Variants in RUNX2 observed in about 807,000 individuals in gnomAD.
RUNX2 encodes the protein RUNX family transcription factor 2.
Under a neutral mutation model 51.7 loss-of-function variants are expected in RUNX2, and 10 were observed. That is an observed-to-expected ratio of 0.19 (90% CI 0.12 to 0.33). The LOEUF (loss-of-function observed/expected upper bound fraction) is 0.33. RUNX2 is among the 10% of genes least tolerant of loss of function. RUNX2 has a pLI of 1.00. For missense variants in RUNX2, 562 were observed against 691.3 expected, an observed-to-expected ratio of 0.81 and a Z score of 2.10; for synonymous variants, 276 against 273.6, an observed-to-expected ratio of 1.01 and a Z score of -0.09.
At chr6:45,505,249 C>T (rs567838133) in intron 6 of RUNX2, among the ~76,000 whole-genome samples, 145 of 152,238 alleles carry the variant, frequency 9.5e-4, no homozygotes, top group Non-Finnish European at 1.6e-3. Context: ...TCCAGCATAC[C>T]TTTGGGCTTT....
chr6:45,413,268 A>G (rs1582085058), intron 2 of RUNX2, among the ~76,000 whole-genome samples: 2 of 152,184 alleles, frequency 1.3e-5, no homozygotes, highest in Non-Finnish European at 2.9e-5. Context: ...CTTTAAAATT[A>G]CATAGTAATA....
chr6:45,436,611 A>G (rs868482296), intron 4 of RUNX2, among the ~76,000 whole-genome samples: 1 of 152,152 alleles, frequency 6.6e-6, no homozygotes, highest in South Asian at 2.1e-4. Flanking sequence ...ACTTAAAACT[A>G]TTTATACTCA....
chr6:45,364,684 T>C (rs1581929349), intron 2 of RUNX2, among the ~76,000 whole-genome samples: 2 of 152,168 alleles, frequency 1.3e-5, no homozygotes, highest in East Asian at 3.9e-4. Flanking sequence ...TTCCCAAAGA[T>C]TGAATACATG....
At chr6:45,478,877 T>TTTTTC (rs536305366) in intron 5 of RUNX2, among the ~76,000 whole-genome samples, 63 of 152,214 alleles carry the variant, frequency 4.1e-4, no homozygotes, top group Admixed American at 2.6e-3. Flanking sequence ...ACAGACTTTT[T>TTTTTC]TTTTCTTTTC....
rs920493493 is a variant in RUNX2, at chr6:45,537,407, T to G, written c.1022-7810T>G. ...AAGCCCCCACAAGTCTGGGGCCAGG[T>G]CTTGGGCTACCATGTACTGATCTGT... On this transcript the variant is annotated intron_variant, in intron 7 of 8. Coordinates refer to ENST00000647337, the MANE Select transcript of RUNX2 (RefSeq NM_001024630.4). Among the ~76,000 whole-genome samples the G allele has an allele frequency of 3.9e-5, 6 of 152,204 alleles. No individual in the cohort carries two copies. The South Asian group carries it at 1.0e-3, about 26-fold the overall frequency.
chr6:45,359,044 A>C (rs1219643497), intron 2 of RUNX2, among the ~76,000 whole-genome samples: 32 of 152,130 alleles, frequency 2.1e-4, no homozygotes, highest in Admixed American at 2.1e-3. Flanking sequence ...GAATTTCAAG[A>C]ATTCATTTCT....
In RUNX2 at chr6:45,548,978, G is replaced by A. The variant is rs944231481; in HGVS notation, c.*1673G>A. 27 of 396,824 alleles carry A rather than the reference G, an allele frequency of 6.8e-5. No individual in the cohort carries two copies. Among genetic ancestry groups the A allele is most frequent in the Non-Finnish European group, 1.1e-4 (25 of 225,276 alleles). The allele number at this position is 396,824 out of a possible 1,614,324, so 24.6% of individuals were successfully genotyped here. ...TGAGCTGAGAGGACATATGGCCCAC[G>A]GGGACCTACAGACAGCCTTTGACAT... is the stretch of plus-strand genomic sequence containing the variant. On this transcript the variant is annotated 3_prime_UTR_variant, in exon 9 of 9. Transcript: ENST00000647337.
chr6:45,511,702 A>G lies in RUNX2; in HGVS notation c.860-544A>G, dbSNP rs572574099. On this transcript the variant is annotated intron_variant, in intron 6 of 8. Transcript: ENST00000647337. ...GGGCCATTCCATTGACCTGCCTGAAAAGAAAGTGCCCTGAGATGAAATCAT... is the reference window on the plus strand; with the variant it reads ...GGGCCATTCCATTGACCTGCCTGAAGAGAAAGTGCCCTGAGATGAAATCAT... Among the ~76,000 whole-genome samples, 7 of 152,292 alleles carry G rather than the reference A, an allele frequency of 4.6e-5. 1 individual carries two copies. Among genetic ancestry groups the G allele is most frequent in the African/African-American group, 9.6e-5 (4 of 41,574 alleles).
chr6:45,525,170 GA>G (rs1346104304), intron 7 of RUNX2, among the ~76,000 whole-genome samples: 1 of 152,154 alleles, frequency 6.6e-6, no homozygotes, highest in Non-Finnish European at 1.5e-5. Context: ...TTGGCCCTCA[GA>G]GCAGTTAACA....
At chr6:45,543,671 T>C (rs1201933291) in intron 7 of RUNX2, among the ~76,000 whole-genome samples, 1 of 152,158 alleles carries the variant, frequency 6.6e-6, no homozygotes, top group Non-Finnish European at 1.5e-5. Context: ...AGTTCTATGT[T>C]GGTAAGTTTG....
chr6:45,490,848 A>G (rs1338466815), intron 5 of RUNX2, among the ~76,000 whole-genome samples: 4 of 152,152 alleles, frequency 2.6e-5, no homozygotes, highest in Non-Finnish European at 5.9e-5. Flanking sequence ...ATGTTAGGGC[A>G]GCACCCTAGG....
intron 2 of RUNX2, among the ~76,000 whole-genome samples, chr6:45,329,307 A>G (rs1786980251): frequency 6.6e-6 from 1 of 151,960 alleles, no homozygotes; most frequent in Non-Finnish European, 1.5e-5. Context: ...ACTAAAAGAA[A>G]TCTACTTATA....
At chr6:45,490,456 C>T (rs1316289251) in intron 5 of RUNX2, among the ~76,000 whole-genome samples, 2 of 152,122 alleles carry the variant, frequency 1.3e-5, no homozygotes. Context: ...TATTACCAAG[C>T]CTTGGCTTCC....
chr6:45,381,601 A>C (rs1797242245), intron 2 of RUNX2, among the ~76,000 whole-genome samples: 1 of 151,726 alleles, frequency 6.6e-6, no homozygotes, highest in Non-Finnish European at 1.5e-5. Context: ...CTAATTTTTA[A>C]ATTTTGTGTA....
At chr6:45,411,728 C>A (rs1234753133) in intron 2 of RUNX2, among the ~76,000 whole-genome samples, 2 of 152,100 alleles carry the variant, frequency 1.3e-5, no homozygotes, top group East Asian at 3.8e-4. Flanking sequence ...TAAGTTATAA[C>A]ACTTCAACCA....
intron 6 of RUNX2, among the ~76,000 whole-genome samples, chr6:45,492,679 T>C (rs1800518620): frequency 6.6e-6 from 1 of 152,198 alleles, no homozygotes; most frequent in Admixed American, 6.5e-5. Context: ...TCTAGTCAGC[T>C]ACTTACTTTA....
chr6:45,473,308 A>C (rs1799859851), intron 5 of RUNX2, among the ~76,000 whole-genome samples: 1 of 151,544 alleles, frequency 6.6e-6, no homozygotes, highest in Non-Finnish European at 1.5e-5. Flanking sequence ...ATTTCCCAGC[A>C]GTGCTGTTGA....
intron 6 of RUNX2, among the ~76,000 whole-genome samples, chr6:45,493,797 T>C (rs375431351): frequency 6.6e-6 from 1 of 152,064 alleles, no homozygotes; most frequent in African/African-American, 2.4e-5. Flanking sequence ...CATATATATG[T>C]GTTTATATAT....
intron 3 of RUNX2, among the ~76,000 whole-genome samples, chr6:45,430,314 G>T (rs1171746741): frequency 6.6e-6 from 1 of 152,044 alleles, no homozygotes; most frequent in Admixed American, 6.5e-5. Flanking sequence ...TTGAAATGAG[G>T]ATCACTTGAG....
Sources: allele counts gnomAD v4.1 joint callset (sites outside exome capture counted in the v4.1 genomes callset), GRCh38; gene constraint gnomAD v4.1.1; transcripts MANE v1.5; gene names NCBI Gene and HGNC (gene_info 2026-07-23, HGNC 2026-07-21).